Variants in SLX4IP observed in about 807,000 individuals in gnomAD.
SLX4IP encodes the protein SLX4 interacting protein.
Under a neutral mutation model 32.9 loss-of-function variants are expected in SLX4IP, and 34 were observed. The observed-to-expected ratio is 1.03, with a 90% CI of 0.79 to 1.38. The LOEUF (loss-of-function observed/expected upper bound fraction) is 1.38. Among genes scored for constraint, SLX4IP ranks in the 40% most tolerant of loss-of-function variants. The probability of loss-of-function intolerance (pLI) is 0.00; values close to 1 mark genes in which losing one functional copy is unlikely to be tolerated. For synonymous variants in SLX4IP, 172 were observed against 171.7 expected (o/e 1.00, Z -0.01); for missense variants, 444 against 479.0 (o/e 0.93, Z 0.68).
At chr20:10,524,745 T>G (rs1275171470) in intron 2 of SLX4IP, among the ~76,000 whole-genome samples, 1 of 152,216 alleles carries the variant, frequency 6.6e-6, no homozygotes, top group Non-Finnish European at 1.5e-5. Context: ...ACCTGCCATT[T>G]GATCTTATCT....
At chr20:10,606,306 T>C (rs2066904854) in intron 6 of SLX4IP, among the ~76,000 whole-genome samples, 2 of 152,208 alleles carry the variant, frequency 1.3e-5, no homozygotes, top group Non-Finnish European at 2.9e-5. Context: ...AACATTTGAC[T>C]GTGCACTGAT....
chr20:10,525,199 A>G (rs2122455109), intron 2 of SLX4IP, among the ~76,000 whole-genome samples: 1 of 152,342 alleles, frequency 6.6e-6, no homozygotes, highest in East Asian at 1.9e-4. Context: ...ATCATTTAAA[A>G]CATGAAATAG....
chr20:10,501,343 C>G (rs1004026250), intron 2 of SLX4IP, among the ~76,000 whole-genome samples: 3 of 152,066 alleles, frequency 2.0e-5, no homozygotes, highest in Admixed American at 6.5e-5. Flanking sequence ...GTTCTCCCCT[C>G]CCCCCACAGT....
chr20:10,493,859 C>T (rs1158088787), intron 2 of SLX4IP, among the ~76,000 whole-genome samples: 12 of 70,530 alleles, frequency 1.7e-4, no homozygotes, highest in Admixed American at 3.8e-4. Context: ...TTATAGTTGC[C>T]TTTTTTTTTT....
chr20:10,524,426 T>C (rs1446550583), intron 2 of SLX4IP, among the ~76,000 whole-genome samples: 1 of 151,966 alleles, frequency 6.6e-6, no homozygotes. Context: ...CCGAGAAACA[T>C]GAAATGATTG....
At chr20:10,466,365 G>T (rs1007481401) in intron 2 of SLX4IP, among the ~76,000 whole-genome samples, 1 of 152,152 alleles carries the variant, frequency 6.6e-6, no homozygotes, top group Non-Finnish European at 1.5e-5. Flanking sequence ...TCTGCTTCCT[G>T]CATCTGTTTT....
chr20:10,598,765 T>C lies in SLX4IP; in HGVS notation c.316+13T>C, dbSNP rs1329279251. ...ACACAGAATGCTGGTAAGAAGCCGA[T>C]TTCTTGGTTTGTCAGACATTTCACA... On this transcript the variant is annotated intron_variant, in intron 5 of 7. Coordinates refer to ENST00000334534, the MANE Select transcript of SLX4IP (RefSeq NM_001009608.3). The C allele has an allele frequency of 6.2e-7, 1 of 1,613,430 alleles. No homozygotes were observed. The highest frequency in any genetic ancestry group is 8.5e-7 in the Non-Finnish European group (1 of 1,179,382).
At chr20:10,613,830 A>G (rs1568772897) in intron 6 of SLX4IP, 3 of 1,608,658 alleles carry the variant, frequency 1.9e-6, no homozygotes, top group South Asian at 1.1e-5. Context: ...GGCCTGCTTA[A>G]TATCAGCCAG....
At chr20:10,579,114 G>A (rs1216688438) in intron 4 of SLX4IP, among the ~76,000 whole-genome samples, 1 of 151,906 alleles carries the variant, frequency 6.6e-6, no homozygotes, top group Admixed American at 6.6e-5. Flanking sequence ...TTGTGCTTTT[G>A]ATATCATATC....
At chr20:10,456,684 T>G (rs2065288486) in intron 1 of SLX4IP, among the ~76,000 whole-genome samples, 1 of 152,210 alleles carries the variant, frequency 6.6e-6, no homozygotes, top group Non-Finnish European at 1.5e-5. Flanking sequence ...TCCAATTTGA[T>G]TCTTCTTTTT....
intron 6 of SLX4IP, among the ~76,000 whole-genome samples, chr20:10,608,546 C>T (rs545179665): frequency 1.0e-3 from 155 of 151,390 alleles, no homozygotes; most frequent in Non-Finnish European, 1.6e-3. Context: ...TGGTGGCAGG[C>T]GCCTGTAGTC....
intron 4 of SLX4IP, among the ~76,000 whole-genome samples, chr20:10,591,121 A>G (rs2066704125): frequency 6.6e-6 from 1 of 152,176 alleles, no homozygotes; most frequent in Admixed American, 6.5e-5. Flanking sequence ...TCCAGTCAGA[A>G]CCCAACCCTT....
At position 10,622,962 on chromosome 20, in the gene SLX4IP, GAGCCCCGTCTGT is replaced by G; in HGVS notation, c.814_825del (p.Pro272_Ser275del). The G allele has an allele frequency of 2.5e-6, 4 of 1,614,152 alleles. No homozygotes were observed. The highest frequency in any genetic ancestry group is 3.4e-6 in the Non-Finnish European group (4 of 1,180,030). On this transcript the variant is annotated inframe_deletion, in exon 8 of 8. Transcript: ENST00000334534. ...GGTTAAAGACAGGGCTTCTAAGCAGGAGCCCCGTCTGTAGCTGTGAGTCAGCATCACCATGTC... is the reference window on the plus strand; with the variant it reads ...GGTTAAAGACAGGGCTTCTAAGCAGGAGCTGTGAGTCAGCATCACCATGTC...
At chr20:10,445,311 C>CTT (rs36058168) in intron 1 of SLX4IP, among the ~76,000 whole-genome samples, 15 of 90,178 alleles carry the variant, frequency 1.7e-4, no homozygotes, top group South Asian at 4.1e-4. Context: ...TTTTTTCTTT[C>CTT]TTTTTTTTTT....
chr20:10,613,517 A>G (rs1203974255), intron 6 of SLX4IP: 38 of 1,609,066 alleles, frequency 2.4e-5, no homozygotes, highest in Admixed American at 6.7e-5. Context: ...TCTGAGCCAG[A>G]AAATTGTCCA....
chr20:10,440,100 T>C (rs2065148495), intron 1 of SLX4IP, among the ~76,000 whole-genome samples: 2 of 152,182 alleles, frequency 1.3e-5, no homozygotes, highest in African/African-American at 4.8e-5. Context: ...TTCATTTGTG[T>C]CACTTTTGAT....
chr20:10,471,304 G>A (rs530487495), intron 2 of SLX4IP, among the ~76,000 whole-genome samples: 1 of 152,276 alleles, frequency 6.6e-6, no homozygotes, highest in Admixed American at 6.5e-5. Flanking sequence ...CCTGGGTTAG[G>A]CACTATAGAC....
intron 1 of SLX4IP, 107 bp from the exon 2 acceptor site, chr20:10,458,069 A>G (rs1170868150): frequency 2.2e-5 from 14 of 623,886 alleles, no homozygotes; most frequent in Admixed American, 1.7e-4. Flanking sequence ...CATTCATCTC[A>G]TAAATACCTA....
intron 4 of SLX4IP, among the ~76,000 whole-genome samples, chr20:10,562,292 C>T (rs1394282992): frequency 6.6e-6 from 1 of 152,126 alleles, no homozygotes; most frequent in African/African-American, 2.4e-5. Flanking sequence ...GTGGAGGTGG[C>T]TCTCCGCGAG....
Sources: gnomAD v4.1 joint callset for allele counts (sites outside exome capture counted in the v4.1 genomes callset) on GRCh38, gnomAD v4.1.1 for gene constraint, MANE v1.5 for transcripts, NCBI Gene and HGNC (gene_info 2026-07-23, HGNC 2026-07-21) for gene names.